KCNK9: variants seen among roughly 807,000 people sequenced by gnomAD.
KCNK9 encodes potassium two pore domain channel subfamily K member 9.
KCNK9 carries 1 observed loss-of-function variant against 10.8 expected under a neutral mutation model. The ratio of observed to expected loss-of-function variants is 0.09; its 90% confidence interval spans 0.03 to 0.44. The LOEUF is 0.44. Ranked by LOEUF, KCNK9 falls within the 20% of genes least tolerant of loss-of-function variation. The pLI is 0.97. For missense variants in KCNK9, 303 were observed against 515.0 expected, an observed-to-expected ratio of 0.59 and a Z score of 3.98; for synonymous variants, 231 against 222.7, an observed-to-expected ratio of 1.04 and a Z score of -0.33.
intron 1 of KCNK9, among the ~76,000 whole-genome samples, chr8:139,637,151 C>G (rs1340212468): frequency 6.6e-6 from 1 of 152,204 alleles, no homozygotes; most frequent in Non-Finnish European, 1.5e-5. Flanking sequence ...CTTGACATGG[C>G]CCCAACATCT....
chr8:139,648,501 G>A (rs1018493359), intron 1 of KCNK9, among the ~76,000 whole-genome samples: 3 of 152,228 alleles, frequency 2.0e-5, no homozygotes, highest in Non-Finnish European at 2.9e-5. Context: ...TCACCCTGAC[G>A]TGGCCCTCCA....
rs73724571 is a variant in KCNK9 at position 139,624,311 on chromosome 8, C to A, written c.284-5212G>T. Among the ~76,000 whole-genome samples, 1,439 of 152,308 alleles carry A rather than the reference C, an allele frequency of 9.4e-3. 16 individuals are homozygous for A. Among genetic ancestry groups the A allele is most frequent in the African/African-American group, 0.031 (1,292 of 41,556 alleles). ...ATAGTGGTGCTGGTGACAGACAGCA[C>A]TGACAGCCTGAAATTTGGTTTCCAG... On this transcript the variant is annotated intron_variant, in intron 1 of 1. Transcript: ENST00000520439.
intron 1 of KCNK9, among the ~76,000 whole-genome samples, chr8:139,631,544 C>G (rs1815171254): frequency 6.6e-6 from 1 of 152,202 alleles, no homozygotes; most frequent in Non-Finnish European, 1.5e-5. Context: ...TGGAGAGAAA[C>G]CTGCATTTTC....
chr8:139,690,781 G>C (rs1816919781), intron 1 of KCNK9, among the ~76,000 whole-genome samples: 1 of 152,092 alleles, frequency 6.6e-6, no homozygotes, highest in Non-Finnish European at 1.5e-5. Context: ...CATGACCTTG[G>C]GCAAGTCACC....
chr8:139,684,031 T>C (rs1036737652), intron 1 of KCNK9, among the ~76,000 whole-genome samples: 4 of 152,150 alleles, frequency 2.6e-5, no homozygotes, highest in Non-Finnish European at 2.9e-5. Flanking sequence ...CAAATGCCAA[T>C]ACACTAAGGA....
At chr8:139,666,805 T>G (rs1050236629) in intron 1 of KCNK9, among the ~76,000 whole-genome samples, 1 of 152,272 alleles carries the variant, frequency 6.6e-6, no homozygotes, top group Non-Finnish European at 1.5e-5. Context: ...CATTTCTTTC[T>G]GCTTAACATT....
At chr8:139,643,744 C>A (rs556447227) in intron 1 of KCNK9, among the ~76,000 whole-genome samples, 1 of 152,322 alleles carries the variant, frequency 6.6e-6, no homozygotes, top group South Asian at 2.1e-4. Flanking sequence ...TCTGCTTACT[C>A]CAGTCTGTGC....
intron 1 of KCNK9, among the ~76,000 whole-genome samples, chr8:139,623,891 C>G (rs544068202): frequency 5.9e-5 from 9 of 152,252 alleles, no homozygotes; most frequent in Admixed American, 1.3e-4. Context: ...GGGGCGCCTC[C>G]GACTGCGGGT....
Position 139,619,189 on chromosome 8 carries a change from T to C in KCNK9, c.284-90A>G, listed in dbSNP as rs568853106. ...GGAGGGTCGACTTGGTGCAGTGCAG[T>C]GCAATGCAGAGGGACCTGGTACTGG... On this transcript the variant is annotated intron_variant, in intron 1 of 1. Transcript: ENST00000520439. The C allele has an allele frequency of 2.1e-6, 3 of 1,443,324 alleles. No individual in the cohort carries two copies. The South Asian group carries it at 3.6e-5, about 17-fold the overall frequency. The allele number at this position is 1,443,324 out of a possible 1,614,324, so 89.4% of individuals were successfully genotyped here.
In KCNK9 at chr8:139,702,704, C is replaced by T. The variant is rs972146078; in HGVS notation, c.283+6G>A. 6 of 1,605,826 alleles carry T rather than the reference C, an allele frequency of 3.7e-6. No individual in the cohort carries two copies. The South Asian group carries it at 6.6e-5, about 18-fold the overall frequency. On this transcript the variant is annotated splice_donor_region_variant and intron_variant, in intron 1 of 1. Transcript: ENST00000520439. This position sits in a 1 kb window ranked among gnomAD's most constrained non-coding sequence, Gnocchi z 7.5. ...GCGGGAGCCCAGCGGCGCGCCCAGC[C>T]CTTACCTATGGTGGTGATGACCGTG...
intron 1 of KCNK9, among the ~76,000 whole-genome samples, chr8:139,649,748 GA>G (rs948167115): frequency 4.8e-4 from 73 of 152,264 alleles, no homozygotes; most frequent in Admixed American, 1.5e-3. Context: ...ACCCTGGGGG[GA>G]AAAAAATTGC....
intron 2 of KCNK9, among the ~76,000 whole-genome samples, chr8:139,605,615 G>C (rs1817468878): frequency 6.6e-6 from 1 of 152,118 alleles, no homozygotes; most frequent in Non-Finnish European, 1.5e-5. Context: ...AGTGAAGAAA[G>C]ACCAAGATAC....
chr8:139,649,291 C>T (rs896606704), intron 1 of KCNK9, among the ~76,000 whole-genome samples: 1 of 152,244 alleles, frequency 6.6e-6, no homozygotes, highest in Admixed American at 6.5e-5. Context: ...GCGTCAGAAG[C>T]GTGTATTTAA....
At chr8:139,686,095 C>A (rs1816782000) in intron 1 of KCNK9, among the ~76,000 whole-genome samples, 1 of 152,128 alleles carries the variant, frequency 6.6e-6, no homozygotes, top group African/African-American at 2.4e-5. Flanking sequence ...TTCCTTACAC[C>A]TTATACAAAA....
rs1299791115 is a variant in KCNK9 at position 139,617,532 on chromosome 8, TA to T, written c.*725del. Reference sequence around the variant, plus strand: ...TTGGGTCGTCTTGCCCACCCGCCCCTAAAAAACATTAATATAATTTAGAACC... The same window carrying T: ...TTGGGTCGTCTTGCCCACCCGCCCCTAAAAACATTAATATAATTTAGAACC... On this transcript the variant is annotated 3_prime_UTR_variant, in exon 2 of 2. Transcript: ENST00000520439. Among the ~76,000 whole-genome samples the T allele has an allele frequency of 1.3e-5, 2 of 152,132 alleles. No individual in the cohort carries two copies. The highest frequency in any genetic ancestry group is 4.8e-5 in the African/African-American group (2 of 41,436).
At chr8:139,609,799 GA>G (rs1814363707), downstream of KCNK9, among the ~76,000 whole-genome samples, 1 of 151,970 alleles carries the variant, frequency 6.6e-6, no homozygotes, top group Admixed American at 6.5e-5. Flanking sequence ...GTGGAGGGGG[GA>G]TATTTTCCAA....
chr8:139,632,694 G>C (rs1299792358), intron 1 of KCNK9, among the ~76,000 whole-genome samples: 1 of 152,088 alleles, frequency 6.6e-6, no homozygotes, highest in Non-Finnish European at 1.5e-5. Flanking sequence ...CCTCCCTAAA[G>C]ATAGAAGCCT....
At chr8:139,648,481 G>C (rs1166456261) in intron 1 of KCNK9, among the ~76,000 whole-genome samples, 2 of 152,232 alleles carry the variant, frequency 1.3e-5, no homozygotes, top group Non-Finnish European at 2.9e-5. Flanking sequence ...AGATGGTGAT[G>C]GCTGCCGCGT....
At chr8:139,659,247 G>A (rs1816092639) in intron 1 of KCNK9, among the ~76,000 whole-genome samples, 3 of 152,166 alleles carry the variant, frequency 2.0e-5, no homozygotes, top group Admixed American at 2.0e-4. Context: ...CTCCAGGCTG[G>A]AGTCCTGACC....
Sources: allele counts gnomAD v4.1 joint callset (sites outside exome capture counted in the v4.1 genomes callset), GRCh38; gene constraint gnomAD v4.1.1; non-coding constraint Gnocchi (gnomAD v3.1); transcripts MANE v1.5; gene names NCBI Gene and HGNC (gene_info 2026-07-23, HGNC 2026-07-21).